ADAM9: variants seen among roughly 807,000 people sequenced by gnomAD.
ADAM9 encodes the protein ADAM metallopeptidase domain 9.
Under a neutral mutation model 108.1 loss-of-function variants are expected in ADAM9, and 54 were observed. The ratio of observed to expected loss-of-function variants is 0.50; its 90% CI spans 0.40 to 0.63. The LOEUF (loss-of-function observed/expected upper bound fraction) is 0.63, where lower values mean the gene tolerates loss of function less well. Ranked by LOEUF, ADAM9 falls within the 20% of genes least tolerant of loss-of-function variation. The pLI is 0.00. For synonymous variants in ADAM9, 316 were observed against 336.0 expected, an observed-to-expected ratio of 0.94 and a Z score of 0.65; for missense variants, 830 against 997.7, an observed-to-expected ratio of 0.83 and a Z score of 2.26.
intron 2 of ADAM9, among the ~76,000 whole-genome samples, chr8:39,008,473 C>T (rs1313696519): frequency 6.6e-6 from 1 of 152,114 alleles, no homozygotes; most frequent in Non-Finnish European, 1.5e-5. Context: ...CACGCCCAGC[C>T]AGTATCTTTT....
rs1588429487 is a variant in ADAM9 at position 39,090,093 on chromosome 8, A to G, written c.2115A>G (p.Leu705=). The change falls in exon 19 of 22, where the codon CTA becomes CTG. Residue 705 remains leucine, a synonymous_variant. Transcript: ENST00000487273. ...LRDGLLVFFF[L]IVPLIVCAIF... ...ACGGACTTCTGGTCTTCTTCTTCCTAATTGTTCCCCTTATTGTCTGTGCTA... is the reference window on the plus strand; with the variant it reads ...ACGGACTTCTGGTCTTCTTCTTCCTGATTGTTCCCCTTATTGTCTGTGCTA... 2 of 1,613,878 alleles carry G rather than the reference A, an allele frequency of 1.2e-6. No homozygotes were observed. The highest frequency in any genetic ancestry group is 1.1e-5 in the South Asian group (1 of 91,074).
At chr8:39,049,101 G>A (rs1443648299) in intron 12 of ADAM9, among the ~76,000 whole-genome samples, 1 of 150,552 alleles carries the variant, frequency 6.6e-6, no homozygotes, top group Non-Finnish European at 1.5e-5. Context: ...AGGATTTACT[G>A]TGATTGTTTT....
chr8:39,059,393 C>T (rs1257227282), intron 14 of ADAM9, among the ~76,000 whole-genome samples: 1 of 144,988 alleles, frequency 6.9e-6, no homozygotes, highest in Non-Finnish European at 1.5e-5. Context: ...TTGGACTTTG[C>T]TACTGGAGAA....
Position 39,008,079 on chromosome 8 carries a change from G to A in ADAM9, c.195+96G>A. 2.7e-5 allele frequency: 24 copies of A among 893,746 alleles called. No homozygotes were observed. In the South Asian group the frequency reaches 3.2e-4, roughly 12 times the overall value. 55.4% of individuals were successfully genotyped at this position (893,746 alleles called of 1,614,324 possible). On this transcript the variant is annotated intron_variant, in intron 2 of 21. Transcript: ENST00000487273. Reference sequence around the variant, plus strand: ...TTTGTAGCAGTGATCAGTTCAGTGAGTTATTACTTGGCTGTTACTTAGAAT... The same window carrying A: ...TTTGTAGCAGTGATCAGTTCAGTGAATTATTACTTGGCTGTTACTTAGAAT...
chr8:39,033,489 A>C (rs1034588953), intron 11 of ADAM9, among the ~76,000 whole-genome samples: 10 of 151,344 alleles, frequency 6.6e-5, no homozygotes, highest in Non-Finnish European at 8.8e-5. Context: ...TAGCATTGAC[A>C]GTGTGTTTTT....
At chr8:39,088,866 G>T (rs561462504) in intron 18 of ADAM9, among the ~76,000 whole-genome samples, 1 of 152,024 alleles carries the variant, frequency 6.6e-6, no homozygotes, top group East Asian at 1.9e-4. Context: ...AATATATAAA[G>T]AACTTTTAGA....
At chr8:39,067,666 G>A (rs1216385619) in intron 14 of ADAM9, among the ~76,000 whole-genome samples, 1 of 152,146 alleles carries the variant, frequency 6.6e-6, no homozygotes, top group African/African-American at 2.4e-5. Flanking sequence ...GGGTTTTCTA[G>A]ATGTACAATC....
intron 20 of ADAM9, 39 bp downstream of exon 20, chr8:39,091,385 T>C: frequency 6.5e-7 from 1 of 1,545,482 alleles, no homozygotes; most frequent in African/African-American, 1.4e-5. Flanking sequence ...TTTACTGTAT[T>C]AAAGGATCAA....
At chr8:39,090,815 T>C (rs1320414809) in intron 19 of ADAM9, among the ~76,000 whole-genome samples, 1 of 152,240 alleles carries the variant, frequency 6.6e-6, no homozygotes, top group Non-Finnish European at 1.5e-5. Flanking sequence ...CTATCTTTCA[T>C]ACATCTCCAC....
Position 39,016,282 on chromosome 8 carries a change from G to T in ADAM9, c.410+88G>T, listed in dbSNP as rs58982789. 3 of 1,214,830 alleles carry T rather than the reference G, an allele frequency of 2.5e-6. No homozygotes were observed. The African/African-American group carries it at 4.5e-5, about 18-fold the overall frequency. The allele number at this position is 1,214,830 out of a possible 1,614,324, so 75.3% of individuals were successfully genotyped here. A position where few individuals can be genotyped will look rare whatever the true frequency, so the allele number is the denominator to read the frequency against. On this transcript the variant is annotated intron_variant, in intron 5 of 21. Transcript: ENST00000487273. ...TCTGTCTCCAAATTAAATCATTTTG[G>T]GCACTTAGCAAAATTGGAATTTACT...
chr8:39,057,949 T>C (rs1443137873), intron 14 of ADAM9, among the ~76,000 whole-genome samples: 1 of 152,142 alleles, frequency 6.6e-6, no homozygotes, highest in South Asian at 2.1e-4. Flanking sequence ...TTGAAACCCA[T>C]AGACACCTTA....
Position 39,008,058 on chromosome 8 carries a change from T to C in ADAM9, c.195+75T>C, listed in dbSNP as rs778667403. Reference sequence around the variant, plus strand: ...TGTTTTAGCACAAAGGTGTTATTTGTAGCAGTGATCAGTTCAGTGAGTTAT... The same window carrying C: ...TGTTTTAGCACAAAGGTGTTATTTGCAGCAGTGATCAGTTCAGTGAGTTAT... On this transcript the variant is annotated intron_variant, in intron 2 of 21. Transcript: ENST00000487273. 29 of 1,110,656 alleles carry C rather than the reference T, an allele frequency of 2.6e-5. No homozygotes were observed. The East Asian group carries it at 5.8e-4, about 22-fold the overall frequency. The allele number at this position is 1,110,656 out of a possible 1,614,324, so 68.8% of individuals were successfully genotyped here.
rs554937401 is a variant in ADAM9, at chr8:39,044,786, A to T, written c.1302+2669A>T. ...AGGATAATGGCCTCCAGCTCCATCC[A>T]TGTTGCTGCAGAGGACATGATTTCA... On this transcript the variant is annotated intron_variant, in intron 12 of 21. Transcript: ENST00000487273. 2.6e-5 allele frequency among the ~76,000 whole-genome samples: 4 copies of T among 152,198 alleles called. No individual in the cohort carries two copies. In the East Asian group the frequency reaches 7.7e-4, roughly 29 times the overall value.
rs1293352091 is a variant in ADAM9, at chr8:39,014,841, G to C, written c.333+798G>C. 1.2e-5 allele frequency: 4 copies of C among 345,298 alleles called. No homozygotes were observed. In the East Asian group the frequency reaches 1.6e-4, roughly 14 times the overall value. 21.4% of individuals were successfully genotyped at this position (345,298 alleles called of 1,614,324 possible). On this transcript the variant is annotated intron_variant, in intron 4 of 21. Transcript: ENST00000487273. ...AAAAAAATCTTTAGATTAATTATTA[G>C]TACTTACAAAAACCAAGGAAATGCT...
intron 8 of ADAM9, among the ~76,000 whole-genome samples, chr8:39,022,427 T>C (rs191520653): frequency 6.6e-6 from 1 of 152,290 alleles, no homozygotes; most frequent in East Asian, 1.9e-4. Context: ...ACAGTGTGAT[T>C]AACTCTGTAT....
intron 14 of ADAM9, among the ~76,000 whole-genome samples, chr8:39,056,453 A>G (rs988932964): frequency 6.6e-6 from 1 of 152,108 alleles, no homozygotes; most frequent in African/African-American, 2.4e-5. Flanking sequence ...ATTTCTCACT[A>G]TAGAAGATGA....
intron 1 of ADAM9, among the ~76,000 whole-genome samples, chr8:39,000,047 T>G (rs1284786682): frequency 6.6e-6 from 1 of 152,106 alleles, no homozygotes; most frequent in African/African-American, 2.4e-5. Context: ...TTTTTTGAGA[T>G]GGAGTCTTGC....
At chr8:39,067,944 T>C (rs964765344) in intron 14 of ADAM9, among the ~76,000 whole-genome samples, 1 of 152,228 alleles carries the variant, frequency 6.6e-6, no homozygotes, top group African/African-American at 2.4e-5. Flanking sequence ...ATTGAGAGTT[T>C]TTAGCATGAA....
intron 14 of ADAM9, among the ~76,000 whole-genome samples, chr8:39,056,148 A>G (rs573559455): frequency 1.3e-5 from 2 of 152,264 alleles, no homozygotes; most frequent in Non-Finnish European, 2.9e-5. Context: ...ATTCCATTAG[A>G]TGAATGGATC....
Sources: allele counts gnomAD v4.1 joint callset (sites outside exome capture counted in the v4.1 genomes callset), GRCh38; gene constraint gnomAD v4.1.1; transcripts MANE v1.5; gene names NCBI Gene and HGNC (gene_info 2026-07-23, HGNC 2026-07-21).